CUEDC2: variants seen among roughly 807,000 people sequenced by gnomAD.
CUEDC2 encodes the protein CUE domain containing 2.
A neutral mutation model predicts 36.0 loss-of-function variants in CUEDC2; 10 were observed. The ratio of observed to expected loss-of-function variants is 0.28; its 90% CI spans 0.17 to 0.47. The LOEUF (loss-of-function observed/expected upper bound fraction) is 0.47. CUEDC2 is among the 20% of genes least tolerant of loss of function. CUEDC2 has a pLI of 0.99. For missense variants in CUEDC2, 269 were observed against 368.1 expected, an observed-to-expected ratio of 0.73 and a Z score of 2.20; for synonymous variants, 133 against 141.8, an observed-to-expected ratio of 0.94 and a Z score of 0.44.
chr10:102,431,363 C>T (rs552570762), intron 1 of CUEDC2, among the ~76,000 whole-genome samples: 7 of 152,170 alleles, frequency 4.6e-5, no homozygotes, highest in African/African-American at 1.2e-4. Context: ...AGACTGGTCT[C>T]GAACTCCTGA....
Position 102,424,381 on chromosome 10 carries a change from C to T in CUEDC2, c.294G>A (p.Pro98=), listed in dbSNP as rs374054435. ...SDARNKENLQ[P]QSSGVQGQVP... Reference sequence around the variant, plus strand: ...CCTGACCTTGGACACCAGAGCTCTGCGGTTGCAGGTTCTCTTAAAGAGGCA... The same window carrying T: ...CCTGACCTTGGACACCAGAGCTCTGTGGTTGCAGGTTCTCTTAAAGAGGCA... The change falls in exon 5 of 9, where the codon CCG becomes CCA. Residue 98 remains proline (P), a synonymous_variant. Coordinates refer to ENST00000369937, the MANE Select transcript of CUEDC2 (RefSeq NM_024040.3). This position sits in a 1 kb window ranked among gnomAD's most constrained non-coding sequence, Gnocchi z 4.2. The T allele has an allele frequency of 6.2e-6, 10 of 1,613,866 alleles. No homozygotes were observed. The highest frequency in any genetic ancestry group is 2.7e-5 in the African/African-American group (2 of 74,884).
Position 102,424,853 on chromosome 10 carries a change from C to T in CUEDC2, c.75-61G>A. On this transcript the variant is annotated intron_variant, in intron 2 of 8. Coordinates refer to ENST00000369937, the MANE Select transcript of CUEDC2 (RefSeq NM_024040.3). This position sits in a 1 kb window ranked among gnomAD's most constrained non-coding sequence, Gnocchi z 4.2. ...CACTGGATGCCTCCAGCACCCCCAC[C>T]TATCCTGAGACTCCAGCCCTCAGCT... is the stretch of plus-strand genomic sequence containing the variant. The T allele has an allele frequency of 6.4e-7, 1 of 1,565,928 alleles. No homozygotes were observed. The highest frequency in any genetic ancestry group is 8.7e-7 in the Non-Finnish European group (1 of 1,152,208).
intron 1 of CUEDC2, among the ~76,000 whole-genome samples, chr10:102,432,022 G>A (rs1040150340): frequency 6.6e-6 from 1 of 152,150 alleles, no homozygotes; most frequent in African/African-American, 2.4e-5. Flanking sequence ...GGTCTAGCAT[G>A]GAAGGTCTTC....
intron 1 of CUEDC2, among the ~76,000 whole-genome samples, chr10:102,428,479 C>T (rs1239114734): frequency 2.6e-5 from 4 of 152,138 alleles, no homozygotes; most frequent in South Asian, 2.1e-4. Flanking sequence ...CTAGCCAGCA[C>T]GGGCATTTTT....
intron 1 of CUEDC2, among the ~76,000 whole-genome samples, chr10:102,430,786 G>T (rs1186714783): frequency 6.6e-6 from 1 of 152,166 alleles, no homozygotes; most frequent in East Asian, 1.9e-4. Context: ...CTGAGTTGGG[G>T]AAGATCTGGT....
At chr10:102,427,463 C>G (rs1003055229) in intron 1 of CUEDC2, among the ~76,000 whole-genome samples, 1 of 152,166 alleles carries the variant, frequency 6.6e-6, no homozygotes, top group African/African-American at 2.4e-5. Context: ...AACTAATGTT[C>G]TCTCAAGTGC....
chr10:102,425,272 C>A, intron 1 of CUEDC2, 74 bp from the exon 2 acceptor site: 1 of 1,075,456 alleles, frequency 9.3e-7, no homozygotes, highest in East Asian at 2.4e-5. Context: ...GGCAGTGGCT[C>A]CTCCCTCCTG....
chr10:102,426,545 C>A (rs951819110), intron 1 of CUEDC2, among the ~76,000 whole-genome samples: 2 of 152,170 alleles, frequency 1.3e-5, no homozygotes, highest in African/African-American at 4.8e-5. Context: ...TCTGTCAATT[C>A]TATTTCCTTC....
Position 102,423,948 on chromosome 10 carries a change from G to A in CUEDC2, c.594+48C>T, listed in dbSNP as rs764109458. 6.9e-6 allele frequency: 11 copies of A among 1,605,062 alleles called. No homozygotes were observed. Among genetic ancestry groups the A allele is most frequent in the Non-Finnish European group, 8.5e-6 (10 of 1,175,356 alleles). On this transcript the variant is annotated intron_variant, in intron 6 of 8. Coordinates refer to ENST00000369937, the MANE Select transcript of CUEDC2 (RefSeq NM_024040.3). This position sits in a 1 kb window ranked among gnomAD's most constrained non-coding sequence, Gnocchi z 5.6. The stretch of plus-strand genomic sequence containing the variant: ...GTAGGGGTTGGGGCTTAACACCAAG[G>A]TGGAATGTAGCTGAGGCTACATGGT...
Position 102,424,278 on chromosome 10 carries a change from C to T in CUEDC2, c.397G>A (p.Asp133Asn). The change falls in exon 5 of 9, where the codon GAC (aspartate) becomes AAC (asparagine). Residue 133 changes from aspartate to asparagine, a missense_variant. Asp to Asn is a conservative substitution (Grantham distance 23). Coordinates refer to ENST00000369937, the MANE Select transcript of CUEDC2 (RefSeq NM_024040.3). This position sits in a 1 kb window ranked among gnomAD's most constrained non-coding sequence, Gnocchi z 4.2. ...TCTACCAGTACCTCATCTTGGGTGT[C>T]TGCAGCAGCAGCAGCCGAAGACCTA... ...ETRSSAAAAA[D>N]TQDEATGAEE... 6.2e-7 allele frequency: 1 copy of T among 1,613,822 alleles called. No homozygotes were observed. The highest frequency in any genetic ancestry group is 8.5e-7 in the Non-Finnish European group (1 of 1,179,850).
chr10:102,425,062 C>T (rs1428827615), intron 2 of CUEDC2, 53 bp downstream of exon 2: 16 of 1,494,486 alleles, frequency 1.1e-5, no homozygotes, highest in African/African-American at 2.7e-5. Context: ...TAGTACTGCC[C>T]GGCAGCTCCA....
intron 1 of CUEDC2, among the ~76,000 whole-genome samples, chr10:102,431,396 G>A (rs1046868349): frequency 2.6e-5 from 4 of 152,130 alleles, no homozygotes; most frequent in Non-Finnish European, 5.9e-5. Flanking sequence ...CACCCGCCTC[G>A]GTCTCCCAAA....
intron 1 of CUEDC2, among the ~76,000 whole-genome samples, chr10:102,430,246 G>A (rs768796511): frequency 4.7e-5 from 7 of 150,152 alleles, no homozygotes; most frequent in South Asian, 2.1e-4. Flanking sequence ...TTGGCTCACC[G>A]CAACCTCCAC....
intron 1 of CUEDC2, among the ~76,000 whole-genome samples, chr10:102,429,395 C>A (rs533030060): frequency 2.0e-5 from 3 of 151,994 alleles, no homozygotes; most frequent in African/African-American, 7.2e-5. Context: ...CTGCGGTAGT[C>A]AGATTTAAAT....
chr10:102,425,439 A>G (rs1443169444), intron 1 of CUEDC2, among the ~76,000 whole-genome samples: 1 of 15,566 alleles, frequency 6.4e-5, no homozygotes, highest in Non-Finnish European at 1.5e-4. Context: ...ACCTCTCCCC[A>G]CCCCCCTACC....
At chr10:102,431,628 G>C (rs1434357188) in intron 1 of CUEDC2, among the ~76,000 whole-genome samples, 1 of 152,068 alleles carries the variant, frequency 6.6e-6, no homozygotes, top group African/African-American at 2.4e-5. Flanking sequence ...CCTATATTCT[G>C]AATCTCCTCT....
rs371820534 is a variant in CUEDC2 at position 102,423,827 on chromosome 10, C to T, written c.627G>A (p.Lys209=). 1,249 of 1,613,840 alleles carry T rather than the reference C, an allele frequency of 7.7e-4. 1 individual carries two copies. Among genetic ancestry groups the T allele is most frequent in the Non-Finnish European group, 1.0e-3 (1,197 of 1,179,926 alleles). The stretch of plus-strand genomic sequence containing the variant: ...GCAGGATGAAGGACTTCAGCTCATC[C>T]TTTTGGGGGCCTCTGAGGCGTCTGG... ...DLPRRLRGPQ[K]DELKSFILQK... is the part of the protein sequence containing the mutation. The change falls in exon 7 of 9, where the codon AAG becomes AAA. Residue 209 remains lysine (K), a synonymous_variant. Coordinates refer to ENST00000369937, the MANE Select transcript of CUEDC2 (RefSeq NM_024040.3). The surrounding 1 kb of genome is among the most constrained non-coding windows in gnomAD (Gnocchi z 5.6).
chr10:102,430,983 CTGCCTAAA>C (rs2135473948), intron 1 of CUEDC2, among the ~76,000 whole-genome samples: 1 of 152,320 alleles, frequency 6.6e-6, no homozygotes, highest in Non-Finnish European at 1.5e-5. Flanking sequence ...GTCATGAGTC[CTGCCTAAA>C]TGCCTCCGAT....
In CUEDC2 at chr10:102,425,104, C is replaced by A. The variant is rs758737648; in HGVS notation, c.74+11G>T. On this transcript the variant is annotated intron_variant, in intron 2 of 8. Transcript: ENST00000369937. ...GCACTGACATGAGCCTTCCGGGGGA[C>A]CCGTCTCTACCTGAGGTCGGCCTCC... 9.9e-6 allele frequency: 16 copies of A among 1,611,868 alleles called. No individual in the cohort carries two copies. The highest frequency in any genetic ancestry group is 1.3e-5 in the African/African-American group (1 of 74,886).
Sources: gnomAD v4.1 joint callset for allele counts (sites outside exome capture counted in the v4.1 genomes callset) on GRCh38, gnomAD v4.1.1 for gene constraint, Gnocchi (gnomAD v3.1) non-coding constraint, MANE v1.5 for transcripts, NCBI Gene and HGNC (gene_info 2026-07-23, HGNC 2026-07-21) for gene names.